The following LALBA variants were observed in gnomAD, a reference collection of about 807,000 sequenced individuals.
LALBA encodes the protein lactalbumin alpha, also known as alpha-lactalbumin.
Under a neutral mutation model 13.4 loss-of-function variants are expected in LALBA, and 12 were observed. The observed-to-expected ratio is 0.89, with a 90% CI of 0.57 to 1.45. LALBA has a LOEUF of 1.45. Among genes scored for constraint, LALBA ranks in the 40% most tolerant of loss-of-function variants. The probability of loss-of-function intolerance (pLI) is 0.00; values close to 1 mark genes in which losing one functional copy is unlikely to be tolerated. For missense variants in LALBA, 145 were observed against 165.9 expected (o/e 0.87, Z 0.69); for synonymous variants, 64 against 61.0 (o/e 1.05, Z -0.23).
rs149863926 is a variant in LALBA at position 48,568,349 on chromosome 12, G to A, written c.368+168C>T. On this transcript the variant is annotated intron_variant, in intron 3 of 3. Transcript: ENST00000301046. Reference sequence around the variant, plus strand: ...ATTAGGAAAATTGCTACCAAGGAGCGGAGCGAGAGAGGCTTAATAACAGAA... The same window carrying A: ...ATTAGGAAAATTGCTACCAAGGAGCAGAGCGAGAGAGGCTTAATAACAGAA... 1.0e-4 allele frequency: 64 copies of A among 633,654 alleles called. No homozygotes were observed. The East Asian group carries it at 1.4e-3, about 14-fold the overall frequency. 39.3% of individuals were successfully genotyped at this position (633,654 alleles called of 1,614,324 possible).
At chr12:48,570,522 C>A (rs982830851), upstream of LALBA, among the ~76,000 whole-genome samples, 2 of 152,110 alleles carry the variant, frequency 1.3e-5, no homozygotes, top group African/African-American at 4.8e-5. Flanking sequence ...CTTGTCCAAC[C>A]AATCCAGCCA....
intron 2 of LALBA, 102 bp downstream of exon 2, chr12:48,568,980 G>A: frequency 9.7e-7 from 1 of 1,030,796 alleles, no homozygotes; most frequent in African/African-American, 1.6e-5. Flanking sequence ...ATAGAGCCCA[G>A]CCAAGGCAAT....
rs555390916 is a variant in LALBA at position 48,567,803 on chromosome 12, AAT to A, written c.*152_*153del. 269 of 670,138 alleles carry A rather than the reference AAT, an allele frequency of 4.0e-4. No individual in the cohort carries two copies. In the African/African-American group the frequency reaches 4.3e-3, roughly 11 times the overall value. 41.5% of individuals were successfully genotyped at this position (670,138 alleles called of 1,614,324 possible). ...GTGCACCACTCAGGCATCCCTGGAA[AAT>A]AGTCTTCAAGAATTCGGTGATGTCA... On this transcript the variant is annotated 3_prime_UTR_variant, in exon 4 of 4. Transcript: ENST00000301046.
At chr12:48,569,606 G>A (rs1938608331) in intron 1 of LALBA, among the ~76,000 whole-genome samples, 1 of 152,088 alleles carries the variant, frequency 6.6e-6, no homozygotes, top group African/African-American at 2.4e-5. Flanking sequence ...CCAGCTACTT[G>A]GGAGGCTGAG....
upstream of LALBA, among the ~76,000 whole-genome samples, chr12:48,571,725 A>ATT (rs1938636695): frequency 6.6e-6 from 1 of 152,020 alleles, no homozygotes; most frequent in Non-Finnish European, 1.5e-5. Context: ...CAACCAATCT[A>ATT]TTTAAGACTT....
chr12:48,569,434 C>A (rs939720100), intron 1 of LALBA, among the ~76,000 whole-genome samples, 194 bp from the exon 2 acceptor site: 1 of 152,098 alleles, frequency 6.6e-6, no homozygotes, highest in African/African-American at 2.4e-5. Flanking sequence ...ATAAATGGGG[C>A]CAGGCATGAT....
chr12:48,571,635 T>C (rs1938635338), upstream of LALBA, among the ~76,000 whole-genome samples: 1 of 152,070 alleles, frequency 6.6e-6, no homozygotes, highest in Non-Finnish European at 1.5e-5. Flanking sequence ...TTTGCCTGCC[T>C]GGGCCTCGGC....
upstream of LALBA, among the ~76,000 whole-genome samples, chr12:48,571,152 G>GA (rs1448671050): frequency 6.6e-6 from 1 of 152,086 alleles, no homozygotes; most frequent in Non-Finnish European, 1.5e-5. Context: ...CAGAAAGTGG[G>GA]AAGGACCCAA....
chr12:48,570,237 G>A (rs1318157082), upstream of LALBA, among the ~76,000 whole-genome samples: 1 of 152,126 alleles, frequency 6.6e-6, no homozygotes, highest in African/African-American at 2.4e-5. Context: ...GTCCATAGCA[G>A]GTATTGTTCT....
chr12:48,569,497 T>G (rs879602786), intron 1 of LALBA, among the ~76,000 whole-genome samples: 1 of 152,184 alleles, frequency 6.6e-6, no homozygotes, highest in Non-Finnish European at 1.5e-5. Flanking sequence ...GCGGATCACC[T>G]GAGGTCAGAA....
intron 2 of LALBA, 23 bp from the exon 3 acceptor site, chr12:48,568,615 G>A (rs1157531580): frequency 7.0e-7 from 1 of 1,432,480 alleles, no homozygotes; most frequent in Admixed American, 1.8e-5. Flanking sequence ...ACAGGGAAAG[G>A]ATTGAGACAG....
At chr12:48,571,386 C>CTTTTTTTT (rs60444004), upstream of LALBA, among the ~76,000 whole-genome samples, 7,170 of 97,954 alleles carry the variant, frequency 0.073, 871 homozygotes, top group Non-Finnish European at 0.083. Flanking sequence ...CTTCTTCTTC[C>CTTTTTTTT]TTTTTTTTTT....
chr12:48,568,435 A>G (rs1158015557), intron 3 of LALBA, 82 bp downstream of exon 3: 1 of 807,730 alleles, frequency 1.2e-6, no homozygotes, highest in East Asian at 2.4e-5. Flanking sequence ...TGACCAAGAG[A>G]TAGGGTAAGA....
chr12:48,571,386 C>CTTTATTT, upstream of LALBA, among the ~76,000 whole-genome samples: 1 of 98,032 alleles, frequency 1.0e-5, no homozygotes, highest in African/African-American at 4.1e-5. Context: ...CTTCTTCTTC[C>CTTTATTT]TTTTTTTTTT....
At chr12:48,571,059 G>T (rs147992537), upstream of LALBA, among the ~76,000 whole-genome samples, 1 of 149,434 alleles carries the variant, frequency 6.7e-6, no homozygotes, top group Admixed American at 6.7e-5. Context: ...CACTCCTACC[G>T]TAAATAACCA....
rs574171680 is a variant in LALBA at position 48,568,777 on chromosome 12, G to T, written c.293-185C>A. ...GGGTAGGGACTTCCTTCATTTCCCT[G>T]GGATATCTCTGGAGGAATCATCAGC... On this transcript the variant is annotated intron_variant, in intron 2 of 3. Transcript: ENST00000301046. 2.5e-4 allele frequency among the ~76,000 whole-genome samples: 38 copies of T among 152,258 alleles called. No homozygotes were observed. In the South Asian group the frequency reaches 5.0e-3, roughly 20 times the overall value.
upstream of LALBA, among the ~76,000 whole-genome samples, chr12:48,571,738 A>C (rs3759149): frequency 6.6e-6 from 1 of 152,068 alleles, no homozygotes; most frequent in Non-Finnish European, 1.5e-5. Context: ...TAAGACTTAC[A>C]TACTGAAGGT....
At position 48,569,125 on chromosome 12, in the gene LALBA, G is replaced by T. The variant is rs557923939; in HGVS notation, c.249C>A (p.Ser83Arg). The change falls in exon 2 of 4, where the codon AGC becomes AGA. Residue 83 changes from serine (S) to arginine (R), a missense_variant. Transcript: ENST00000301046. Reference protein sequence around the residue: ...QISNKLWCKSSQVPQSRNICD... With the variant: ...QISNKLWCKSRQVPQSRNICD... ...AGATGTTCCTTGACTGAGGGACCTG[G>T]CTGCTCTTGCACCAAAGCTTATTAC... 173 of 1,613,592 alleles carry T rather than the reference G, an allele frequency of 1.1e-4. 4 individuals carry two copies. In the East Asian group the frequency reaches 1.8e-3, roughly 17 times the overall value.
In LALBA at chr12:48,567,993, A is replaced by G. The variant is rs1218938501; in HGVS notation, c.393T>C (p.Thr131=). The G allele has an allele frequency of 1.2e-6, 2 of 1,603,610 alleles. No homozygotes were observed. Among genetic ancestry groups the G allele is most frequent in the East Asian group, 2.2e-5 (1 of 44,752 alleles). ...CACAAAGCCACTGTTCCAGCTTCTC[A>G]GTGCAGAGGGCTTTATGGGCCAACC... ...DYWLAHKALC[T]EKLEQWLCEK... is the part of the protein sequence containing the mutation. The change falls in exon 4 of 4, where the codon ACT becomes ACC. Residue 131 remains threonine, a synonymous_variant. Coordinates refer to ENST00000301046, the MANE Select transcript of LALBA (RefSeq NM_002289.3).
Sources: allele counts gnomAD v4.1 joint callset (sites outside exome capture counted in the v4.1 genomes callset), GRCh38; gene constraint gnomAD v4.1.1; transcripts MANE v1.5; gene names NCBI Gene and HGNC (gene_info 2026-07-23, HGNC 2026-07-21).